CST4: variants seen among roughly 807,000 people sequenced by gnomAD.
CST4 encodes the protein cystatin-S.
In CST4, 17 loss-of-function variants were observed where a neutral mutation model predicts 11.2. The observed-to-expected ratio is 1.52, with a 90% CI of 1.04 to 2.27. CST4 has a LOEUF of 2.27. CST4 is among the 30% of genes most tolerant of loss of function. The pLI, the probability that CST4 is intolerant of heterozygous loss-of-function variation, is 0.00. For synonymous variants in CST4, 93 were observed against 70.1 expected, an observed-to-expected ratio of 1.33 and a Z score of -1.63; for missense variants, 251 against 180.2, an observed-to-expected ratio of 1.39 and a Z score of -2.25.
chr20:23,688,635 G>T, intron 1 of CST4, 107 bp downstream of exon 1: 1 of 1,048,370 alleles, frequency 9.5e-7, no homozygotes, highest in Non-Finnish European at 1.4e-6. Flanking sequence ...ATGAATCTGA[G>T]CATTAGATCA....
Position 23,688,843 on chromosome 20 carries a change from A to C in CST4, c.127T>G (p.Trp43Gly). 1 of 1,613,964 alleles carries C rather than the reference A, an allele frequency of 6.2e-7. No homozygotes were observed. Among genetic ancestry groups the C allele is most frequent in the Non-Finnish European group, 8.5e-7 (1 of 1,179,986 alleles). Reference sequence around the variant, plus strand: ...GCGAAGTGAAGGGCACGCTGTACCCACTCATCATTGAGGTCTGCATCATAG... The same window carrying C: ...GCGAAGTGAAGGGCACGCTGTACCCCCTCATCATTGAGGTCTGCATCATAG... ...GIYDADLNDE[W>G]VQRALHFAIS... The change falls in exon 1 of 3, where the codon TGG becomes GGG. Residue 43 changes from tryptophan to glycine, a missense_variant. Trp to Gly is a radical substitution (Grantham distance 184). Coordinates refer to ENST00000217423, the MANE Select transcript of CST4 (RefSeq NM_001899.3).
chr20:23,686,280 G>A (rs2122557009), intron 2 of CST4, among the ~76,000 whole-genome samples: 1 of 152,256 alleles, frequency 6.6e-6, no homozygotes, highest in African/African-American at 2.4e-5. Flanking sequence ...TGCAGGACAT[G>A]GGGAGGTGGC....
Position 23,687,438 on chromosome 20 carries a change from C to T in CST4, c.229-237G>A, listed in dbSNP as rs185627263. ...TAAGAGGATTCATTGAATTCTGCTA[C>T]CTGTGGCTCAGGGGTGAGGGAACAC... On this transcript the variant is annotated intron_variant, in intron 1 of 2. Transcript: ENST00000217423. Among the ~76,000 whole-genome samples the T allele has an allele frequency of 4.0e-3, 614 of 152,300 alleles. 3 individuals carry two copies. Among genetic ancestry groups the T allele is most frequent in the African/African-American group, 0.014 (595 of 41,570 alleles).
chr20:23,687,087 C>A lies in CST4; in HGVS notation c.342+1G>T, dbSNP rs779029673. On this transcript the variant is annotated splice_donor_variant, in intron 2 of 2. Coordinates refer to ENST00000217423, the MANE Select transcript of CST4 (RefSeq NM_001899.3). LOFTEE classifies it high-confidence loss of function. ...GCCCGGGACCCGCATCAGGAACGTA[C>A]CTTCTGCAGTTCTGGCTGTTCATGG... The A allele has an allele frequency of 2.5e-5, 41 of 1,614,046 alleles. No homozygotes were observed. The highest frequency in any genetic ancestry group is 1.7e-4 in the African/African-American group (13 of 74,924).
rs548661997 is a variant in CST4 at position 23,685,663 on chromosome 20, G to A, written c.*231C>T. On this transcript the variant is annotated 3_prime_UTR_variant, in exon 3 of 3. Transcript: ENST00000217423. ...GAGGCGATGCTACTGTTTAATTGCA[G>A]GAGGTGGGGGTGTGTGTACCATGTA... 1.4e-4 allele frequency: 82 copies of A among 573,060 alleles called. 1 individual carries two copies. The East Asian group carries it at 2.0e-3, about 14-fold the overall frequency. 35.5% of individuals were successfully genotyped at this position (573,060 alleles called of 1,614,324 possible). A position where few individuals can be genotyped will look rare whatever the true frequency, so the allele number is the denominator to read the frequency against.
intron 2 of CST4, among the ~76,000 whole-genome samples, chr20:23,686,497 C>T (rs1001314195): frequency 6.6e-6 from 1 of 152,092 alleles, no homozygotes; most frequent in African/African-American, 2.4e-5. Context: ...CCGGGCAGGT[C>T]CAGGGCTTCC....
chr20:23,687,763 T>A (rs1454853369), intron 1 of CST4, among the ~76,000 whole-genome samples: 1 of 152,200 alleles, frequency 6.6e-6, no homozygotes, highest in Non-Finnish European at 1.5e-5. Flanking sequence ...TGGAGAAACC[T>A]GGGATGAGGG....
chr20:23,686,650 C>T (rs1261191782), intron 2 of CST4, among the ~76,000 whole-genome samples: 1 of 152,140 alleles, frequency 6.6e-6, no homozygotes, highest in Non-Finnish European at 1.5e-5. Context: ...CAGGCAACAC[C>T]CCAAAGCAGG....
chr20:23,687,285 T>C (rs1192944308), intron 1 of CST4, 84 bp from the exon 2 acceptor site: 4 of 1,158,474 alleles, frequency 3.5e-6, no homozygotes, highest in Non-Finnish European at 3.9e-6. Flanking sequence ...GCTGAGTCAC[T>C]GGACTTGCTT....
chr20:23,687,230 G>A, intron 1 of CST4, 29 bp from the exon 2 acceptor site: 2 of 1,612,776 alleles, frequency 1.2e-6, no homozygotes, highest in African/African-American at 1.3e-5. Context: ...AGGAAGCACG[G>A]ACAGCGCCCC....
Position 23,685,672 on chromosome 20 carries a change from G to T in CST4, c.*222C>A, listed in dbSNP as rs1981013724. ...CTACTGTTTAATTGCAGGAGGTGGGGGTGTGTGTACCATGTACCAGGTCTA... is the reference window on the plus strand; with the variant it reads ...CTACTGTTTAATTGCAGGAGGTGGGTGTGTGTGTACCATGTACCAGGTCTA... On this transcript the variant is annotated 3_prime_UTR_variant, in exon 3 of 3. Coordinates refer to ENST00000217423, the MANE Select transcript of CST4 (RefSeq NM_001899.3). The T allele has an allele frequency of 6.8e-6, 4 of 585,016 alleles. No individual in the cohort carries two copies. The highest frequency in any genetic ancestry group is 1.2e-5 in the Non-Finnish European group (4 of 327,232). The allele number at this position is 585,016 out of a possible 1,614,324, so 36.2% of individuals were successfully genotyped here. A position where few individuals can be genotyped will look rare whatever the true frequency, so the allele number is the denominator to read the frequency against.
At chr20:23,686,613 GC>G (rs1436310345) in intron 2 of CST4, among the ~76,000 whole-genome samples, 1 of 152,076 alleles carries the variant, frequency 6.6e-6, no homozygotes, top group African/African-American at 2.4e-5. Flanking sequence ...CCAGCACCCA[GC>G]CCCGCAGGTG....
At chr20:23,686,026 G>T (rs772940019) in intron 2 of CST4, 49 bp from the exon 3 acceptor site, 111 of 1,585,878 alleles carry the variant, frequency 7.0e-5, no homozygotes, top group Non-Finnish European at 6.9e-6. Flanking sequence ...ACAGTTAAAG[G>T]GGAAGATGCC....
chr20:23,687,336 C>T, intron 1 of CST4, 135 bp from the exon 2 acceptor site: 2 of 809,270 alleles, frequency 2.5e-6, no homozygotes, highest in Middle Eastern at 2.3e-4. Flanking sequence ...ACAAGGCACA[C>T]AAGCCCCCTC....
At chr20:23,687,250 A>T (rs377716577) in intron 1 of CST4, 49 bp from the exon 2 acceptor site, 45 of 1,596,254 alleles carry the variant, frequency 2.8e-5, no homozygotes, top group Admixed American at 1.2e-4. Flanking sequence ...CCATCAGTTC[A>T]TGCACTCACA....
At chr20:23,686,695 G>A (rs1981052693) in intron 2 of CST4, among the ~76,000 whole-genome samples, 1 of 151,980 alleles carries the variant, frequency 6.6e-6, no homozygotes, top group Non-Finnish European at 1.5e-5. Flanking sequence ...CCAAGCTAAA[G>A]CCTTCCTAGC....
rs762750939 is a variant in CST4, at chr20:23,688,812, C to T, written c.158G>A (p.Ser53Asn). Reference sequence around the variant, plus strand: ...ATCTTCGGTGGCCTTGTTGTACTCGCTGATGGCGAAGTGAAGGGCACGCTG... The same window carrying T: ...ATCTTCGGTGGCCTTGTTGTACTCGTTGATGGCGAAGTGAAGGGCACGCTG... ...WVQRALHFAI[S>N]EYNKATEDEY... is the part of the protein sequence containing the mutation. Residue 53 changes from serine to asparagine, a missense_variant, in exon 1 of 3, where the codon AGC (serine) becomes AAC (asparagine). By Grantham distance (46) the Ser-to-Asn change is conservative. Coordinates refer to ENST00000217423, the MANE Select transcript of CST4 (RefSeq NM_001899.3). 7 of 1,614,172 alleles carry T rather than the reference C, an allele frequency of 4.3e-6. No homozygotes were observed. The highest frequency in any genetic ancestry group is 5.1e-6 in the Non-Finnish European group (6 of 1,180,026).
In CST4 at chr20:23,688,851, T is replaced by C. The variant is rs73902130; in HGVS notation, c.119A>G (p.Asn40Ser). Residue 40 changes from asparagine (N) to serine (S), a missense_variant, in exon 1 of 3, where the codon AAT becomes AGT. Coordinates refer to ENST00000217423, the MANE Select transcript of CST4 (RefSeq NM_001899.3). ...AAGGGCACGCTGTACCCACTCATCA[T>C]TGAGGTCTGCATCATAGATGCCACC... ...IPGGIYDADL[N>S]DEWVQRALHF... 5.1e-3 allele frequency: 8,292 copies of C among 1,614,134 alleles called. 365 individuals are homozygous for C. The African/African-American group carries it at 0.098, about 19-fold the overall frequency.
At chr20:23,687,264 A>G in intron 1 of CST4, 63 bp from the exon 2 acceptor site, 4 of 1,548,928 alleles carry the variant, frequency 2.6e-6, no homozygotes, top group Non-Finnish European at 3.6e-6. Flanking sequence ...ACTCACAGGC[A>G]CTTCACTGTG....
Sources: allele counts gnomAD v4.1 joint callset (sites outside exome capture counted in the v4.1 genomes callset), GRCh38; gene constraint gnomAD v4.1.1; transcripts MANE v1.5; gene names NCBI Gene and HGNC (gene_info 2026-07-23, HGNC 2026-07-21).